Variants in CEACAM19 observed in about 807,000 individuals in gnomAD.
CEACAM19 encodes CEA cell adhesion molecule 19, also known as cell adhesion molecule CEACAM19.
Under a neutral mutation model 37.6 loss-of-function variants are expected in CEACAM19, and 37 were observed. The ratio of observed to expected loss-of-function variants is 0.98; its 90% CI spans 0.76 to 1.29. The LOEUF is 1.29. Ranked by LOEUF, CEACAM19 falls within the 50% of genes most tolerant of loss-of-function variation. CEACAM19 has a pLI of 0.00. For synonymous variants in CEACAM19, 140 were observed against 149.8 expected (o/e 0.93, Z 0.48); for missense variants, 340 against 375.6 (o/e 0.91, Z 0.78).
chr19:44,672,544 A>G (rs2122125016), intron 1 of CEACAM19, 52 bp from the exon 2 acceptor site: 2 of 1,432,908 alleles, frequency 1.4e-6, no homozygotes, highest in Non-Finnish European at 1.8e-6. Flanking sequence ...GGAGCATGCC[A>G]TGGTCCCTGG....
intron 3 of CEACAM19, chr19:44,678,308 T>G (rs1973989208): frequency 6.6e-6 from 1 of 152,116 alleles, no homozygotes; most frequent in African/African-American, 2.4e-5. Flanking sequence ...TTTGTAAAAA[T>G]AAGATCTCCC....
At chr19:44,681,383 T>C in intron 6 of CEACAM19, 71 bp downstream of exon 6, 2 of 958,452 alleles carry the variant, frequency 2.1e-6, no homozygotes, top group South Asian at 1.4e-5. Flanking sequence ...CTGGCTGTGG[T>C]CCTCTGGGCC....
At chr19:44,669,817 C>A (rs1261722817), upstream of CEACAM19, among the ~76,000 whole-genome samples, 1 of 152,156 alleles carries the variant, frequency 6.6e-6, no homozygotes, top group Non-Finnish European at 1.5e-5. Context: ...CTCTCCCAGA[C>A]TCCTGGGCTC....
upstream of CEACAM19, among the ~76,000 whole-genome samples, chr19:44,668,553 AT>A (rs1424223931): frequency 4.3e-5 from 3 of 69,410 alleles, no homozygotes; most frequent in African/African-American, 2.7e-4. Context: ...TAATTATATA[AT>A]TATATACATA....
At chr19:44,668,387 TA>T (rs1973782492), upstream of CEACAM19, among the ~76,000 whole-genome samples, 1 of 53,256 alleles carries the variant, frequency 1.9e-5, no homozygotes, top group East Asian at 8.4e-4. Context: ...ATATATATAA[TA>T]TATTTATATA....
chr19:44,672,601 A>T lies in CEACAM19; in HGVS notation c.61A>T (p.Ile21Phe). The T allele has an allele frequency of 6.8e-7, 1 of 1,468,510 alleles. No individual in the cohort carries two copies. The highest frequency in any genetic ancestry group is 9.0e-7 in the Non-Finnish European group (1 of 1,108,892). The allele number at this position is 1,468,510 out of a possible 1,614,324, so 91.0% of individuals were successfully genotyped here. Reference sequence around the variant, plus strand: ...TTCCCTGTAACTTCCCACAGCCTCAATCCTGGTCCTCTGGATGCTCCAAGG... The same window carrying T: ...TTCCCTGTAACTTCCCACAGCCTCATTCCTGGTCCTCTGGATGCTCCAAGG... Reference protein sequence around the residue: ...FSKSLLLSASILVLWMLQGSQ... With the variant: ...FSKSLLLSASFLVLWMLQGSQ... The change falls in exon 2 of 8, where the codon ATC becomes TTC. Residue 21 changes from isoleucine (I) to phenylalanine (F), a missense_variant. Ile to Phe is a conservative substitution (Grantham distance 21, BLOSUM62 0). Transcript: ENST00000358777.
upstream of CEACAM19, among the ~76,000 whole-genome samples, chr19:44,669,329 G>T (rs567356794): frequency 6.6e-6 from 1 of 152,046 alleles, no homozygotes; most frequent in Admixed American, 6.6e-5. Flanking sequence ...CTACTATGTT[G>T]CCCAGCCTGG....
At chr19:44,668,338 TA>T (rs1477244241), upstream of CEACAM19, among the ~76,000 whole-genome samples, 30 of 19,088 alleles carry the variant, frequency 1.6e-3, 4 homozygotes, top group African/African-American at 3.1e-3. Flanking sequence ...AATATGTTTA[TA>T]ATATATATAA....
upstream of CEACAM19, among the ~76,000 whole-genome samples, chr19:44,669,012 G>T (rs1237756224): frequency 1.3e-5 from 2 of 150,228 alleles, no homozygotes; most frequent in East Asian, 3.9e-4. Flanking sequence ...TAGAGACAGG[G>T]TTTCATCATG....
upstream of CEACAM19, among the ~76,000 whole-genome samples, chr19:44,670,781 G>GAAAAAAA (rs74691226): frequency 5.2e-5 from 3 of 58,176 alleles, no homozygotes; most frequent in Non-Finnish European, 9.8e-5. Context: ...CCTGTCTCAA[G>GAAAAAAA]AAAAAAAAAA....
rs761924833 is a variant in CEACAM19, at chr19:44,680,345, A to G, written c.706+11A>G. On this transcript the variant is annotated intron_variant, in intron 5 of 7. Transcript: ENST00000358777. ...CTGCTCATGATGCTGGTAAGGCGGG[A>G]GCCCCAGATCTCACTACCTAGCCCT... 3.1e-6 allele frequency: 5 copies of G among 1,607,428 alleles called. No individual in the cohort carries two copies. The South Asian group carries it at 5.5e-5, about 18-fold the overall frequency.
chr19:44,670,938 C>T (rs558666966), upstream of CEACAM19, among the ~76,000 whole-genome samples: 1 of 151,814 alleles, frequency 6.6e-6, no homozygotes, highest in African/African-American at 2.4e-5. Flanking sequence ...TCTACTAAAA[C>T]TACAAAAGTA....
chr19:44,670,433 GGGAGGCCGAGGCA>G (rs1447620175), upstream of CEACAM19, among the ~76,000 whole-genome samples: 1 of 152,026 alleles, frequency 6.6e-6, no homozygotes, highest in Admixed American at 6.6e-5. Flanking sequence ...CTAGTACTTT[GGGAGGCCGAGGCA>G]GGAGGATCAT....
intron 4 of CEACAM19, 55 bp from the exon 5 acceptor site, chr19:44,680,232 TC>T: frequency 9.0e-6 from 13 of 1,438,258 alleles, no homozygotes; most frequent in Non-Finnish European, 5.8e-6. Flanking sequence ...TAAGTCTCTC[TC>T]CCCCCGCCTG....
chr19:44,679,258 G>T (rs1974010938), intron 4 of CEACAM19, among the ~76,000 whole-genome samples: 1 of 152,190 alleles, frequency 6.6e-6, no homozygotes, highest in Non-Finnish European at 1.5e-5. Context: ...CTCCCAATGT[G>T]CTGGGAGTAT....
chr19:44,678,725 C>G, intron 3 of CEACAM19, 128 bp from the exon 4 acceptor site: 1 of 1,354,576 alleles, frequency 7.4e-7, no homozygotes, highest in Non-Finnish European at 9.9e-7. Flanking sequence ...TTTTTTTACT[C>G]AAAACCGCAC....
chr19:44,668,591 A>G (rs1256942656), upstream of CEACAM19, among the ~76,000 whole-genome samples: 7 of 52,196 alleles, frequency 1.3e-4, no homozygotes, highest in Non-Finnish European at 2.4e-4. Context: ...TTATATAATT[A>G]TATACACATA....
intron 5 of CEACAM19, among the ~76,000 whole-genome samples, chr19:44,680,921 T>C (rs1348009002): frequency 6.6e-6 from 1 of 151,980 alleles, no homozygotes; most frequent in African/African-American, 2.4e-5. Flanking sequence ...AAGCCCTCAC[T>C]GAGTCCTAGG....
intron 1 of CEACAM19, chr19:44,672,358 C>A: frequency 2.2e-6 from 1 of 465,016 alleles, no homozygotes; most frequent in Non-Finnish European, 3.8e-6. Flanking sequence ...AGAAGCAGGC[C>A]ACACAGCATC....
Sources: gnomAD v4.1 joint callset for allele counts (sites outside exome capture counted in the v4.1 genomes callset) on GRCh38, gnomAD v4.1.1 for gene constraint, MANE v1.5 for transcripts, NCBI Gene and HGNC (gene_info 2026-07-23, HGNC 2026-07-21) for gene names.